Variants in ADAMTSL1 observed in about 807,000 individuals in gnomAD.
The protein encoded by ADAMTSL1 is ADAMTS like 1.
ADAMTSL1 carries 126 observed loss-of-function variants against 201.8 expected under a neutral mutation model. That is an observed-to-expected ratio of 0.62 (90% CI 0.54 to 0.72). The LOEUF (loss-of-function observed/expected upper bound fraction) is 0.72, where lower values mean the gene tolerates loss of function less well. Ranked by LOEUF, ADAMTSL1 falls within the 30% of genes least tolerant of loss-of-function variation. The pLI is 0.00. For synonymous variants in ADAMTSL1, 1,121 were observed against 903.4 expected, an observed-to-expected ratio of 1.24 and a Z score of -4.32; for missense variants, 2,679 against 2,277.8, an observed-to-expected ratio of 1.18 and a Z score of -3.59.
chr9:18,507,294 G>A (rs1817729752), intron 2 of ADAMTSL1, among the ~76,000 whole-genome samples: 1 of 152,292 alleles, frequency 6.6e-6, no homozygotes, highest in East Asian at 1.9e-4. Flanking sequence ...GCGCCCTAAT[G>A]AGTTAAATCT....
intron 26 of ADAMTSL1, among the ~76,000 whole-genome samples, chr9:18,897,913 C>A (rs1467350885): frequency 6.6e-6 from 1 of 151,790 alleles, no homozygotes; most frequent in Non-Finnish European, 1.5e-5. Flanking sequence ...TGTGGTGGCT[C>A]ACATCTGTAA....
chr9:18,231,846 ATAC>A (rs996434350), intron 2 of ADAMTSL1, among the ~76,000 whole-genome samples: 15 of 152,174 alleles, frequency 9.9e-5, no homozygotes, highest in African/African-American at 3.4e-4. Flanking sequence ...CTTACAGCAA[ATAC>A]TACTAACTCC....
chr9:18,015,010 A>G (rs1445008175), intron 1 of ADAMTSL1, among the ~76,000 whole-genome samples: 3 of 152,108 alleles, frequency 2.0e-5, no homozygotes, highest in Non-Finnish European at 4.4e-5. Flanking sequence ...TATAAATAAT[A>G]GCAATCATAG....
chr9:18,854,245 C>A (rs1478343758), intron 23 of ADAMTSL1, among the ~76,000 whole-genome samples: 2 of 152,154 alleles, frequency 1.3e-5, no homozygotes, highest in Admixed American at 1.3e-4. Flanking sequence ...CACGCACACA[C>A]ACACACACCC....
At chr9:18,415,172 G>A (rs1022759157) in intron 2 of ADAMTSL1, among the ~76,000 whole-genome samples, 3 of 152,272 alleles carry the variant, frequency 2.0e-5, no homozygotes, top group South Asian at 2.1e-4. Context: ...GCAGCCAATC[G>A]AAACTTAGCA....
At chr9:17,907,576 C>G (rs1239593819) in intron 1 of ADAMTSL1, among the ~76,000 whole-genome samples, 1 of 152,156 alleles carries the variant, frequency 6.6e-6, no homozygotes, top group Non-Finnish European at 1.5e-5. Context: ...TTCTCCAGGG[C>G]CACACGGGGT....
Position 18,795,429 on chromosome 9 carries a change from T to C in ADAMTSL1, c.3710T>C (p.Ile1237Thr), listed in dbSNP as rs1822357487. 6.2e-7 allele frequency: 1 copy of C among 1,613,794 alleles called. No homozygotes were observed. The highest frequency in any genetic ancestry group is 8.5e-7 in the Non-Finnish European group (1 of 1,179,836). ...ILLQPDDSLQ[I>T]LAPVEADVGF... The stretch of plus-strand genomic sequence containing the variant: ...CTACAGCCAGATGATTCCTTACAGA[T>C]CTTGGCACCAGTGGAAGCAGATGTG... Residue 1237 changes from isoleucine (I) to threonine (T), a missense_variant, in exon 20 of 29, where the codon ATC (isoleucine) becomes ACC (threonine). Ile to Thr is a moderately conservative substitution (Grantham distance 89). Transcript: ENST00000380548.
At chr9:18,540,606 T>C (rs565755332) in intron 3 of ADAMTSL1, among the ~76,000 whole-genome samples, 1 of 152,272 alleles carries the variant, frequency 6.6e-6, no homozygotes, top group East Asian at 1.9e-4. Flanking sequence ...AGCCTGAACT[T>C]AGCCCCACAT....
At chr9:18,125,804 A>G (rs181186657) in intron 1 of ADAMTSL1, among the ~76,000 whole-genome samples, 77 of 152,208 alleles carry the variant, frequency 5.1e-4, no homozygotes, top group African/African-American at 1.7e-3. Context: ...CAAACTGTAG[A>G]TTTGCTCATT....
intron 2 of ADAMTSL1, among the ~76,000 whole-genome samples, chr9:18,227,327 C>G (rs571865780): frequency 7.4e-4 from 113 of 152,172 alleles, no homozygotes; most frequent in Non-Finnish European, 1.4e-3. Context: ...ATACCCTACC[C>G]CAAGCAGATT....
chr9:18,795,398 A>T lies in ADAMTSL1; in HGVS notation c.3679A>T (p.Ile1227Phe). 1 of 1,613,830 alleles carries T rather than the reference A, an allele frequency of 6.2e-7. No homozygotes were observed. Among genetic ancestry groups the T allele is most frequent in the Non-Finnish European group, 8.5e-7 (1 of 1,179,806 alleles). Reference protein sequence around the residue: ...NGEEVQFSDRILLQPDDSLQI... With the variant: ...NGEEVQFSDRFLLQPDDSLQI... ...TATATTTCTTTTCTGTCGCTCCAGGATTCTTCTACAGCCAGATGATTCCTT... is the reference window on the plus strand; with the variant it reads ...TATATTTCTTTTCTGTCGCTCCAGGTTTCTTCTACAGCCAGATGATTCCTT... Residue 1227 changes from isoleucine to phenylalanine, a missense_variant and splice_region_variant, in exon 20 of 29, where the codon ATT (isoleucine) becomes TTT (phenylalanine). By Grantham distance (21) the Ile-to-Phe change is conservative. Coordinates refer to ENST00000380548, the MANE Select transcript of ADAMTSL1 (RefSeq NM_001040272.6).
chr9:18,255,243 C>G (rs117095360), intron 2 of ADAMTSL1, among the ~76,000 whole-genome samples: 1 of 152,100 alleles, frequency 6.6e-6, no homozygotes, highest in African/African-American at 2.4e-5. Context: ...TAACTCCACA[C>G]AGAAACCACT....
At position 18,211,088 on chromosome 9, in the gene ADAMTSL1, C is replaced by G. The variant is rs150242135; in HGVS notation, c.207+47107C>G. On this transcript the variant is annotated intron_variant, in intron 2 of 29. Coordinates refer to the ADAMTSL1 transcript ENST00000680146. ...CAAAGAGAGTCCCTAGACGACCTCT[C>G]TAACCCTGGAGCACTATTTAATGGT... is the stretch of plus-strand genomic sequence containing the variant. 1.0e-3 allele frequency among the ~76,000 whole-genome samples: 154 copies of G among 152,256 alleles called. 3 individuals are homozygous for G. In the East Asian group the frequency reaches 0.011, roughly 11 times the overall value.
At chr9:18,412,559 C>T (rs950521033) in intron 2 of ADAMTSL1, among the ~76,000 whole-genome samples, 9 of 152,226 alleles carry the variant, frequency 5.9e-5, no homozygotes, top group African/African-American at 1.9e-4. Context: ...CTTTATTTGT[C>T]AACTTTCAGA....
chr9:18,539,027 C>A (rs77806323), intron 3 of ADAMTSL1, among the ~76,000 whole-genome samples: 2 of 148,130 alleles, frequency 1.4e-5, no homozygotes, highest in East Asian at 1.9e-4. Flanking sequence ...TTCCAGCCAA[C>A]GCTTGGCTCT....
intron 2 of ADAMTSL1, among the ~76,000 whole-genome samples, chr9:18,308,358 G>A (rs1025888704): frequency 2.0e-5 from 3 of 152,084 alleles, no homozygotes; most frequent in African/African-American, 7.2e-5. Flanking sequence ...CAGAATTGAA[G>A]GAGATAGAGA....
At chr9:17,978,182 G>A (rs1311623506) in intron 1 of ADAMTSL1, among the ~76,000 whole-genome samples, 1 of 151,938 alleles carries the variant, frequency 6.6e-6, no homozygotes, top group African/African-American at 2.4e-5. Flanking sequence ...GTTTATCCAT[G>A]TGTGTCCTTA....
chr9:18,602,996 T>G (rs1233880480), intron 4 of ADAMTSL1, among the ~76,000 whole-genome samples: 1 of 152,192 alleles, frequency 6.6e-6, no homozygotes, highest in Admixed American at 6.5e-5. Context: ...GAGGTAAATA[T>G]TTTTACGTAA....
At chr9:17,942,948 A>T (rs535834330) in intron 1 of ADAMTSL1, among the ~76,000 whole-genome samples, 4 of 152,168 alleles carry the variant, frequency 2.6e-5, no homozygotes, top group African/African-American at 9.6e-5. Flanking sequence ...ATAAGACAGG[A>T]TCTCATTGTG....
Sources: allele counts gnomAD v4.1 joint callset (sites outside exome capture counted in the v4.1 genomes callset), GRCh38; gene constraint gnomAD v4.1.1; transcripts MANE v1.5; gene names NCBI Gene and HGNC (gene_info 2026-07-23, HGNC 2026-07-21).